Variants in ANGPT1 observed in about 807,000 individuals in gnomAD.
ANGPT1 encodes angiopoietin 1.
A neutral mutation model predicts 62.2 loss-of-function variants in ANGPT1; 17 were observed. That is an observed-to-expected ratio of 0.27 (90% CI 0.19 to 0.41). ANGPT1 has a LOEUF of 0.41. ANGPT1 is among the 10% of genes least tolerant of loss of function. The pLI, the probability that ANGPT1 is intolerant of heterozygous loss-of-function variation, is 1.00. For synonymous variants in ANGPT1, 199 were observed against 198.9 expected (o/e 1.00, Z 0.00); for missense variants, 478 against 594.9 (o/e 0.80, Z 2.04).
intron 1 of ANGPT1, among the ~76,000 whole-genome samples, chr8:107,480,249 G>C (rs1812642868): frequency 6.6e-6 from 1 of 152,146 alleles, no homozygotes; most frequent in Admixed American, 6.6e-5. Context: ...GTTTAAAAAT[G>C]TTTGCCCAAA....
chr8:107,457,862 A>G (rs1586339168), intron 1 of ANGPT1, among the ~76,000 whole-genome samples: 3 of 111,890 alleles, frequency 2.7e-5, no homozygotes, highest in East Asian at 4.7e-4. Flanking sequence ...ACACACACAC[A>G]CACACCAAGA....
rs567394066 is a variant in ANGPT1 at position 107,352,472 on chromosome 8, C to G, written c.298-5375G>C. 1.2e-4 allele frequency among the ~76,000 whole-genome samples: 19 copies of G among 152,234 alleles called. No homozygotes were observed. In the East Asian group the frequency reaches 2.7e-3, roughly 22 times the overall value. ...GAGAACTGATGCTATCATTCTCCATCATGAGAGAGAATTTTGGGAGAGCTT... is the reference window on the plus strand; with the variant it reads ...GAGAACTGATGCTATCATTCTCCATGATGAGAGAGAATTTTGGGAGAGCTT... On this transcript the variant is annotated intron_variant, in intron 1 of 8. Coordinates refer to ENST00000517746, the MANE Select transcript of ANGPT1 (RefSeq NM_001146.5).
chr8:107,353,765 A>T (rs1476970721), intron 1 of ANGPT1, among the ~76,000 whole-genome samples: 2 of 152,208 alleles, frequency 1.3e-5, no homozygotes, highest in African/African-American at 4.8e-5. Context: ...GCCAAATGCT[A>T]CAGGTACAAA....
At chr8:107,465,142 T>C (rs956151893) in intron 1 of ANGPT1, among the ~76,000 whole-genome samples, 4 of 152,100 alleles carry the variant, frequency 2.6e-5, no homozygotes, top group Admixed American at 2.0e-4. Context: ...GTTAACTATG[T>C]ATAAATATAC....
chr8:107,274,487 A>T (rs1813813103), intron 7 of ANGPT1, among the ~76,000 whole-genome samples: 1 of 152,180 alleles, frequency 6.6e-6, no homozygotes, highest in Admixed American at 6.6e-5. Context: ...TTACTTGCCA[A>T]CAAGCAATAT....
At chr8:107,280,003 C>A (rs182732260) in intron 7 of ANGPT1, among the ~76,000 whole-genome samples, 5 of 152,064 alleles carry the variant, frequency 3.3e-5, no homozygotes, top group Non-Finnish European at 5.9e-5. Context: ...ATGCAGAACT[C>A]AGCAAAGGGA....
chr8:107,387,207 G>A (rs1816748235), intron 1 of ANGPT1, among the ~76,000 whole-genome samples: 1 of 152,064 alleles, frequency 6.6e-6, no homozygotes, highest in African/African-American at 2.4e-5. Flanking sequence ...GAGAAAGGAA[G>A]ATACTAAGGA....
intron 1 of ANGPT1, among the ~76,000 whole-genome samples, chr8:107,426,144 C>T (rs1326392489): frequency 1.3e-5 from 2 of 152,216 alleles, no homozygotes; most frequent in African/African-American, 4.8e-5. Context: ...GGCTTCCCCT[C>T]CCACAGAGAA....
chr8:107,260,128 C>A (rs899575825), intron 8 of ANGPT1, among the ~76,000 whole-genome samples: 3 of 151,998 alleles, frequency 2.0e-5, no homozygotes, highest in African/African-American at 7.2e-5. Context: ...AAATGAAGAA[C>A]AAAGATCAAG....
At chr8:107,486,784 C>A (rs941427486) in intron 1 of ANGPT1, among the ~76,000 whole-genome samples, 2 of 152,094 alleles carry the variant, frequency 1.3e-5, no homozygotes, top group African/African-American at 4.8e-5. Context: ...CATCACTGGG[C>A]TGTACTACCG....
chr8:107,286,536 T>A (rs1814145434), intron 6 of ANGPT1, among the ~76,000 whole-genome samples: 1 of 152,188 alleles, frequency 6.6e-6, no homozygotes, highest in Admixed American at 6.6e-5. Context: ...ATTCCAGGCT[T>A]TGGCCCTCGT....
intron 4 of ANGPT1, among the ~76,000 whole-genome samples, chr8:107,320,378 A>G (rs1366429424): frequency 1.3e-5 from 2 of 152,266 alleles, no homozygotes; most frequent in African/African-American, 4.8e-5. Context: ...GACATCCCTA[A>G]AATCATGAAA....
intron 1 of ANGPT1, among the ~76,000 whole-genome samples, chr8:107,470,451 A>G (rs1489531807): frequency 6.7e-6 from 1 of 150,154 alleles, no homozygotes; most frequent in Non-Finnish European, 1.5e-5. Flanking sequence ...ATCCTCAGTG[A>G]CCTGGCAAAT....
At chr8:107,381,488 G>A (rs1215875337) in intron 1 of ANGPT1, among the ~76,000 whole-genome samples, 1 of 152,158 alleles carries the variant, frequency 6.6e-6, no homozygotes, top group Non-Finnish European at 1.5e-5. Flanking sequence ...AAAGAGAAGA[G>A]TAGGTGCCCT....
intron 1 of ANGPT1, among the ~76,000 whole-genome samples, chr8:107,483,648 T>C (rs752736922): frequency 1.3e-5 from 2 of 152,152 alleles, no homozygotes; most frequent in Non-Finnish European, 2.9e-5. Context: ...TTACAAATAG[T>C]ACCCAATTTA....
chr8:107,457,859 CACACACA>C (rs1243433161), intron 1 of ANGPT1, among the ~76,000 whole-genome samples: 129 of 145,108 alleles, frequency 8.9e-4, no homozygotes, highest in South Asian at 1.5e-3. Flanking sequence ...CACACACACA[CACACACA>C]CCAAGAGGGG....
rs984679702 is a variant in ANGPT1 at position 107,251,640 on chromosome 8, C to G, written c.*215G>C. The G allele has an allele frequency of 1.9e-6, 1 of 522,420 alleles. No individual in the cohort carries two copies. Among genetic ancestry groups the G allele is most frequent in the Non-Finnish European group, 3.3e-6 (1 of 300,264 alleles). 32.4% of individuals were successfully genotyped at this position (522,420 alleles called of 1,614,324 possible). A position where few individuals can be genotyped will look rare whatever the true frequency, so the allele number is the denominator to read the frequency against. On this transcript the variant is annotated 3_prime_UTR_variant, in exon 9 of 9. Transcript: ENST00000517746. ...GACAGTCAGTGGAGTTTTCTATAGT[C>G]GAGCCACGTGAGCACTGTCACCCCA...
At chr8:107,435,718 G>A (rs1195785654) in intron 1 of ANGPT1, among the ~76,000 whole-genome samples, 1 of 152,210 alleles carries the variant, frequency 6.6e-6, no homozygotes, top group Non-Finnish European at 1.5e-5. Context: ...AGAGCCCTAT[G>A]ATTCAGCATT....
chr8:107,390,883 A>G (rs976809384), intron 1 of ANGPT1, among the ~76,000 whole-genome samples: 1 of 152,090 alleles, frequency 6.6e-6, no homozygotes, highest in African/African-American at 2.4e-5. Context: ...GTCTGGCTTC[A>G]GAATCCATGG....
Sources: allele counts gnomAD v4.1 joint callset (sites outside exome capture counted in the v4.1 genomes callset), GRCh38; gene constraint gnomAD v4.1.1; transcripts MANE v1.5; gene names NCBI Gene and HGNC (gene_info 2026-07-23, HGNC 2026-07-21).